Variants in DMXL2 observed in about 807,000 individuals in gnomAD.
DMXL2 encodes Dmx like 2, also known as dmX-like protein 2.
Under a neutral mutation model 331.1 loss-of-function variants are expected in DMXL2, and 103 were observed. The ratio of observed to expected loss-of-function variants is 0.31; its 90% CI spans 0.27 to 0.37. The LOEUF (loss-of-function observed/expected upper bound fraction) is 0.37, where lower values mean the gene tolerates loss of function less well. Ranked by LOEUF, DMXL2 falls within the 10% of genes least tolerant of loss-of-function variation. The pLI, the probability that DMXL2 is intolerant of heterozygous loss-of-function variation, is 1.00. For missense variants in DMXL2, 3,171 were observed against 3,642.9 expected (o/e 0.87, Z 3.33); for synonymous variants, 1,281 against 1,252.1 (o/e 1.02, Z -0.49).
rs1159063203 is a variant in DMXL2, at chr15:51,514,469, T to C, written c.2617A>G (p.Thr873Ala). The C allele has an allele frequency of 6.3e-7, 1 of 1,577,848 alleles. No individual in the cohort carries two copies. The change falls in exon 15 of 44, where the codon ACA becomes GCA. Residue 873 changes from threonine to alanine, a missense_variant. This residue lies in a region of DMXL2 where 1,674 missense variants were observed against 1,780.2 expected (regional missense o/e 0.94). Coordinates refer to ENST00000560891, the MANE Select transcript of DMXL2 (RefSeq NM_001378457.1). Reference protein sequence around the residue: ...PHKEDMEKKETEIFFQPSQGY... With the variant: ...PHKEDMEKKEAEIFFQPSQGY... The stretch of plus-strand genomic sequence containing the variant: ...TGTGATGGCTGAAAAAATATTTCTG[T>C]TTCCTTTTTCTCCATATCTTCCTTA...
At chr15:51,477,020 T>G (rs2041638244) in intron 26 of DMXL2, among the ~76,000 whole-genome samples, 3 of 152,082 alleles carry the variant, frequency 2.0e-5, no homozygotes, top group African/African-American at 7.2e-5. Flanking sequence ...TTTTATTTTG[T>G]GTTTTTACAA....
At chr15:51,611,009 T>C (rs1249865692) in intron 1 of DMXL2, among the ~76,000 whole-genome samples, 1 of 152,062 alleles carries the variant, frequency 6.6e-6, no homozygotes, top group East Asian at 1.9e-4. Flanking sequence ...AAAACGTACA[T>C]TCTAAATTCA....
intron 1 of DMXL2, among the ~76,000 whole-genome samples, chr15:51,610,164 A>G (rs1368689017): frequency 1.3e-5 from 2 of 152,232 alleles, no homozygotes. Context: ...CAGAGAAAGT[A>G]CACTGCAGAA....
At chr15:51,547,180 T>A (rs756953557) in intron 7 of DMXL2, 50 bp downstream of exon 7, 2 of 1,447,828 alleles carry the variant, frequency 1.4e-6, no homozygotes, top group Non-Finnish European at 1.8e-6. Flanking sequence ...TCATTATTTT[T>A]ATAAACATTT....
rs541660645 is a variant in DMXL2 at position 51,525,853 on chromosome 15, C to A, written c.2437-8686G>T. On this transcript the variant is annotated intron_variant, in intron 13 of 43. Coordinates refer to ENST00000560891, the MANE Select transcript of DMXL2 (RefSeq NM_001378457.1). The stretch of plus-strand genomic sequence containing the variant: ...CTCCCAGATGGTACTTCTAGACCAG[C>A]CCAGTGTATGAGGGAACTTGTCACC... 5.9e-4 allele frequency among the ~76,000 whole-genome samples: 90 copies of A among 151,726 alleles called. 1 individual carries two copies. Among genetic ancestry groups the A allele is most frequent in the South Asian group, 5.6e-3 (27 of 4,814 alleles).
At chr15:51,589,027 C>T (rs912083678) in intron 1 of DMXL2, among the ~76,000 whole-genome samples, 1 of 152,124 alleles carries the variant, frequency 6.6e-6, no homozygotes, top group South Asian at 2.1e-4. Context: ...TGTGATGTTT[C>T]CCCTCCTCAC....
intron 6 of DMXL2, among the ~76,000 whole-genome samples, chr15:51,555,438 C>CA (rs2049500880): frequency 6.6e-6 from 1 of 151,994 alleles, no homozygotes; most frequent in African/African-American, 2.4e-5. Flanking sequence ...CATCAGCATA[C>CA]AAAAATGGCA....
chr15:51,479,460 G>A (rs954945806), intron 25 of DMXL2, among the ~76,000 whole-genome samples: 11 of 151,998 alleles, frequency 7.2e-5, no homozygotes, highest in Non-Finnish European at 1.3e-4. Context: ...AATATAGTTC[G>A]CAGTAGTAAC....
intron 27 of DMXL2, among the ~76,000 whole-genome samples, chr15:51,475,638 CAAT>C (rs760116854): frequency 6.6e-6 from 1 of 151,970 alleles, no homozygotes; most frequent in Non-Finnish European, 1.5e-5. Context: ...AGACTTTACT[CAAT>C]ATAAGAGGAG....
chr15:51,563,983 GT>G, intron 5 of DMXL2, 141 bp downstream of exon 5: 1 of 793,546 alleles, frequency 1.3e-6, no homozygotes, highest in East Asian at 2.8e-5. Context: ...TATTATATGG[GT>G]TTTGGTTAGA....
rs2041958261 is a variant in DMXL2 at position 51,480,830 on chromosome 15, T to C, written c.6276A>G (p.Ser2092=). 1.9e-6 allele frequency: 3 copies of C among 1,612,576 alleles called. No individual in the cohort carries two copies. The highest frequency in any genetic ancestry group is 1.3e-5 in the African/African-American group (1 of 74,966). The part of the protein sequence containing the change: ...AALHEICNHE[S]VIKEYSSKTY... ...TCTTACTGGAATACTCTTTAATAAC[T>C]GATTCATGATTACATATCTCATGCA... The change falls in exon 24 of 44, where the codon TCA becomes TCG. Residue 2092 remains serine, a synonymous_variant. Coordinates refer to ENST00000560891, the MANE Select transcript of DMXL2 (RefSeq NM_001378457.1).
intron 1 of DMXL2, among the ~76,000 whole-genome samples, chr15:51,601,679 G>T (rs1227355588): frequency 6.6e-6 from 1 of 152,138 alleles, no homozygotes; most frequent in African/African-American, 2.4e-5. Context: ...TCTTGAGCTG[G>T]TAGAAGTCTT....
intron 6 of DMXL2, among the ~76,000 whole-genome samples, chr15:51,561,772 G>C (rs1412879106): frequency 6.6e-6 from 1 of 152,144 alleles, no homozygotes; most frequent in Non-Finnish European, 1.5e-5. Context: ...CCTAGATATA[G>C]AATCAACCTA....
chr15:51,572,701 T>G (rs1423249167), intron 2 of DMXL2, among the ~76,000 whole-genome samples: 1 of 152,142 alleles, frequency 6.6e-6, no homozygotes, highest in Admixed American at 6.5e-5. Flanking sequence ...ATTATCTCAA[T>G]AGATGCAGAA....
At chr15:51,530,215 G>A (rs1443860232) in intron 13 of DMXL2, among the ~76,000 whole-genome samples, 4 of 151,994 alleles carry the variant, frequency 2.6e-5, no homozygotes, top group Non-Finnish European at 5.9e-5. Context: ...AACGTAGTAC[G>A]GAAAGTGCCA....
rs149575398 is a variant in DMXL2, at chr15:51,518,043, G to A, written c.2437-876C>T. 9.6e-3 allele frequency among the ~76,000 whole-genome samples: 1,455 copies of A among 152,234 alleles called. 20 individuals carry two copies. The highest frequency in any genetic ancestry group is 0.034 in the African/African-American group (1,399 of 41,558). ...GTTAGCTCAGACATTTAGAAATGGT[G>A]TTAACAGGGCCAGGGTGGTGGCTCA... On this transcript the variant is annotated intron_variant, in intron 13 of 43. Transcript: ENST00000560891.
chr15:51,481,369 T>G lies in DMXL2; in HGVS notation c.5737A>C (p.Lys1913Gln). The change falls in exon 24 of 44, where the codon AAA (lysine) becomes CAA (glutamine). Residue 1913 changes from lysine (K) to glutamine (Q), a missense_variant. Physicochemically the swap from Lys to Gln is moderately conservative, Grantham distance 53. Around this residue, in one of 7 missense-constraint regions of DMXL2, gnomAD observed 244 missense variants for 251.4 expected, o/e 0.97. Transcript: ENST00000560891. ...TTTTTTGCAGATAAGGCAGATGTTTTGGTTACTTTTGGAATTTTGGAGAGT... is the reference window on the plus strand; with the variant it reads ...TTTTTTGCAGATAAGGCAGATGTTTGGGTTACTTTTGGAATTTTGGAGAGT... Reference protein sequence around the residue: ...EVLSKIPKVTKTSALSAKKDQ... With the variant: ...EVLSKIPKVTQTSALSAKKDQ... The G allele has an allele frequency of 1.2e-6, 2 of 1,613,930 alleles. No individual in the cohort carries two copies. Among genetic ancestry groups the G allele is most frequent in the Non-Finnish European group, 1.7e-6 (2 of 1,179,914 alleles).
chr15:51,465,101 A>C (rs2040454586), intron 31 of DMXL2, among the ~76,000 whole-genome samples: 1 of 152,218 alleles, frequency 6.6e-6, no homozygotes, highest in South Asian at 2.1e-4. Flanking sequence ...TATAAACTAA[A>C]GTATTAGACT....
At chr15:51,450,581 AAG>A (rs2039045126) in intron 42 of DMXL2, 2 of 494,116 alleles carry the variant, frequency 4.0e-6, no homozygotes, top group South Asian at 2.1e-5. Context: ...CAGAGAGAAA[AAG>A]AAAGTTTAAA....
Sources: gnomAD v4.1 joint callset for allele counts (sites outside exome capture counted in the v4.1 genomes callset) on GRCh38, gnomAD v4.1.1 for gene constraint, gnomAD v4.1.1 regional missense constraint, MANE v1.5 for transcripts, NCBI Gene and HGNC (gene_info 2026-07-23, HGNC 2026-07-21) for gene names.